The following PIK3AP1 variants were observed in gnomAD, a reference collection of about 807,000 sequenced individuals.
The protein encoded by PIK3AP1 is phosphoinositide-3-kinase adaptor protein 1, also known as phosphoinositide 3-kinase adapter protein 1.
Under a neutral mutation model 88.1 loss-of-function variants are expected in PIK3AP1, and 21 were observed. That is an observed-to-expected ratio of 0.24 (90% CI 0.17 to 0.34). PIK3AP1 has a LOEUF of 0.34. Among genes scored for constraint, PIK3AP1 ranks in the 10% least tolerant of loss-of-function variants. The pLI, the probability that PIK3AP1 is intolerant of heterozygous loss-of-function variation, is 1.00. For synonymous variants in PIK3AP1, 398 were observed against 400.0 expected, an observed-to-expected ratio of 1.00 and a Z score of 0.06; for missense variants, 828 against 1,035.7, an observed-to-expected ratio of 0.80 and a Z score of 2.75.
In PIK3AP1 at chr10:96,595,485, T is replaced by C; in HGVS notation, c.*92A>G. The C allele has an allele frequency of 2.3e-6, 3 of 1,321,670 alleles. No individual in the cohort carries two copies. The South Asian group carries it at 3.7e-5, about 16-fold the overall frequency. 81.9% of individuals were successfully genotyped at this position (1,321,670 alleles called of 1,614,324 possible). A position where few individuals can be genotyped will look rare whatever the true frequency, so the allele number is the denominator to read the frequency against. On this transcript the variant is annotated 3_prime_UTR_variant, in exon 17 of 17. Transcript: ENST00000339364. ...TGAGAATGGATCTTAAGGTCAACAG[T>C]CATGCTATAAAACTCAACATGAAGA... is the stretch of plus-strand genomic sequence containing the variant.
At position 96,651,320 on chromosome 10, in the gene PIK3AP1, T is replaced by C; in HGVS notation, c.916A>G (p.Lys306Glu). 1.2e-6 allele frequency: 2 copies of C among 1,614,196 alleles called. No homozygotes were observed. The highest frequency in any genetic ancestry group is 1.7e-6 in the Non-Finnish European group (2 of 1,180,020). The stretch of plus-strand genomic sequence containing the variant: ...AGTCCGCTTGCAGGGATATTGTTCT[T>C]CAGGGATTCGGTTAGCAGTTTATCA... The part of the protein sequence containing the change: ...TLDKLLTESL[K>E]NNIPASGLHL... Residue 306 changes from lysine to glutamate, a missense_variant, in exon 6 of 17, where the codon AAG becomes GAG. By Grantham distance (56) the Lys-to-Glu change is moderately conservative. Transcript: ENST00000339364.
chr10:96,708,871 C>T (rs1844400886), intron 2 of PIK3AP1, among the ~76,000 whole-genome samples: 1 of 152,038 alleles, frequency 6.6e-6, no homozygotes, highest in Admixed American at 6.6e-5. Context: ...AGGCTCATGC[C>T]TGTAGGCCCA....
At position 96,609,886 on chromosome 10, in the gene PIK3AP1, G is replaced by A. The variant is rs747363124; in HGVS notation, c.2015-19C>T. The A allele has an allele frequency of 2.5e-6, 4 of 1,613,388 alleles. No homozygotes were observed. Among genetic ancestry groups the A allele is most frequent in the South Asian group, 1.1e-5 (1 of 91,052 alleles). ...TCCAAGTCTGGAATTGGAGGAAAGA[G>A]GGATAAGCTGTCAAGATACCAGACT... On this transcript the variant is annotated intron_variant, in intron 13 of 16. Transcript: ENST00000339364.
chr10:96,658,359 G>A (rs1843643074), intron 2 of PIK3AP1, among the ~76,000 whole-genome samples: 1 of 152,106 alleles, frequency 6.6e-6, no homozygotes, highest in Admixed American at 6.5e-5. Flanking sequence ...GAATGCTAGG[G>A]TTACGAAACA....
chr10:96,711,371 T>A (rs1198428494), intron 1 of PIK3AP1, among the ~76,000 whole-genome samples: 3 of 152,252 alleles, frequency 2.0e-5, no homozygotes, highest in Admixed American at 2.0e-4. Context: ...ACCACTGTTT[T>A]GGGTCATCAT....
chr10:96,599,290 G>C (rs1388410255), intron 16 of PIK3AP1, among the ~76,000 whole-genome samples: 2 of 152,190 alleles, frequency 1.3e-5, no homozygotes, highest in Non-Finnish European at 2.9e-5. Context: ...GGCAGTTTGG[G>C]GTAGAGAATG....
chr10:96,677,903 A>T (rs1843947535), intron 2 of PIK3AP1, among the ~76,000 whole-genome samples: 1 of 152,206 alleles, frequency 6.6e-6, no homozygotes, highest in Admixed American at 6.5e-5. Context: ...ATGATGAATT[A>T]GAATAGAGAA....
chr10:96,595,579 A>G lies in PIK3AP1; in HGVS notation c.2416T>C (p.Ter806ArgextTer26). 1 of 1,613,422 alleles carries G rather than the reference A, an allele frequency of 6.2e-7. No homozygotes were observed. The highest frequency in any genetic ancestry group is 8.5e-7 in the Non-Finnish European group (1 of 1,179,742). The change falls in exon 17 of 17, where the codon TGA (stop) becomes CGA (arginine). Residue 806 changes from the stop codon to arginine (R), a stop_lost. Transcript: ENST00000339364. ...TAGGCAGGTTTTAGGAGGTGGAATC[A>G]GCGTCCTCTGGGTGGAACAGGTGGA... is the stretch of plus-strand genomic sequence containing the variant. ...PPPPVPPRGR[*>R]
At position 96,632,808 on chromosome 10, in the gene PIK3AP1, A is replaced by G. The variant is rs573049578; in HGVS notation, c.1376-4315T>C. ...CATAGGTTCCAATTGTGTTTTTCCC[A>G]CTTCTGGCTGTATTGACTACACATC... On this transcript the variant is annotated intron_variant, in intron 8 of 16. Coordinates refer to ENST00000339364, the MANE Select transcript of PIK3AP1 (RefSeq NM_152309.3). 2.5e-5 allele frequency: 39 copies of G among 1,533,234 alleles called. No homozygotes were observed. The South Asian group carries it at 4.8e-4, about 19-fold the overall frequency. The allele number at this position is 1,533,234 out of a possible 1,614,324, so 95.0% of individuals were successfully genotyped here.
chr10:96,639,751 G>T (rs746936555), intron 8 of PIK3AP1, among the ~76,000 whole-genome samples: 2 of 152,218 alleles, frequency 1.3e-5, no homozygotes, highest in South Asian at 2.1e-4. Flanking sequence ...TTGCCAAAAG[G>T]GATGGCAGGA....
At chr10:96,660,441 A>G (rs1477912016) in intron 2 of PIK3AP1, among the ~76,000 whole-genome samples, 4 of 152,178 alleles carry the variant, frequency 2.6e-5, no homozygotes, top group Non-Finnish European at 4.4e-5. Flanking sequence ...CTACAAATCT[A>G]TGAGAATGGG....
intron 16 of PIK3AP1, among the ~76,000 whole-genome samples, chr10:96,598,001 T>C (rs1313142674): frequency 2.0e-5 from 3 of 151,530 alleles, no homozygotes; most frequent in Admixed American, 2.0e-4. Context: ...TTATTTATAA[T>C]TGCAGACCTA....
At chr10:96,670,365 C>T (rs900387062) in intron 2 of PIK3AP1, among the ~76,000 whole-genome samples, 2 of 152,054 alleles carry the variant, frequency 1.3e-5, no homozygotes, top group African/African-American at 4.8e-5. Flanking sequence ...ATTTCCTTAT[C>T]CCTTCAACAA....
At chr10:96,640,582 A>T (rs1301015469) in intron 8 of PIK3AP1, among the ~76,000 whole-genome samples, 1 of 152,256 alleles carries the variant, frequency 6.6e-6, no homozygotes, top group South Asian at 2.1e-4. Context: ...TAATGTTTGC[A>T]TAAGCTTGTC....
At chr10:96,634,523 G>C (rs1843288155) in intron 8 of PIK3AP1, among the ~76,000 whole-genome samples, 1 of 152,150 alleles carries the variant, frequency 6.6e-6, no homozygotes, top group Non-Finnish European at 1.5e-5. Flanking sequence ...CTAGCTCTGT[G>C]TCCTTGGGCA....
At chr10:96,600,502 C>T (rs546397756) in intron 16 of PIK3AP1, among the ~76,000 whole-genome samples, 2 of 152,144 alleles carry the variant, frequency 1.3e-5, no homozygotes, top group African/African-American at 2.4e-5. Context: ...CCGTGCCTTC[C>T]AGTCTACACC....
At position 96,666,362 on chromosome 10, in the gene PIK3AP1, T is replaced by C. The variant is rs376276664; in HGVS notation, c.431-9428A>G. ...TGAACCTGGGAGGCGGAGCTTGCAG[T>C]GAGCCGAGATCGCACCATTGTACTC... On this transcript the variant is annotated intron_variant, in intron 2 of 16. Transcript: ENST00000339364. Among the ~76,000 whole-genome samples the C allele has an allele frequency of 1.8e-4, 28 of 152,128 alleles. No homozygotes were observed. In the East Asian group the frequency reaches 2.5e-3, roughly 14 times the overall value.
intron 6 of PIK3AP1, 86 bp downstream of exon 6, chr10:96,651,162 G>A: frequency 6.5e-7 from 1 of 1,544,900 alleles, no homozygotes; most frequent in Non-Finnish European, 8.9e-7. Flanking sequence ...TACAGCAGAA[G>A]GTAAACGCGT....
chr10:96,645,383 A>T (rs567758585), intron 8 of PIK3AP1, 90 bp downstream of exon 8: 1 of 1,351,220 alleles, frequency 7.4e-7, no homozygotes, highest in African/African-American at 1.5e-5. Context: ...GTGAGGGTAC[A>T]TAGGGACTGC....
Sources: gnomAD v4.1 joint callset for allele counts (sites outside exome capture counted in the v4.1 genomes callset) on GRCh38, gnomAD v4.1.1 for gene constraint, MANE v1.5 for transcripts, NCBI Gene and HGNC (gene_info 2026-07-23, HGNC 2026-07-21) for gene names.